MFSD11: variants seen among roughly 807,000 people sequenced by gnomAD.
MFSD11 encodes UNC93-like protein MFSD11.
In MFSD11, 36 loss-of-function variants were observed where a neutral mutation model predicts 53.5. The ratio of observed to expected loss-of-function variants is 0.67; its 90% confidence interval spans 0.52 to 0.89. MFSD11 has a LOEUF of 0.89. Ranked by LOEUF, MFSD11 falls within the 40% of genes least tolerant of loss-of-function variation. The probability of loss-of-function intolerance (pLI) is 0.00; values close to 1 mark genes in which losing one functional copy is unlikely to be tolerated. For synonymous variants in MFSD11, 186 were observed against 184.9 expected, an observed-to-expected ratio of 1.01 and a Z score of -0.05; for missense variants, 530 against 543.9, an observed-to-expected ratio of 0.97 and a Z score of 0.25.
chr17:76,758,616 A>G (rs2079889902), intron 8 of MFSD11, among the ~76,000 whole-genome samples: 2 of 152,026 alleles, frequency 1.3e-5, no homozygotes, highest in African/African-American at 4.8e-5. Flanking sequence ...ATTGAAGAAA[A>G]TAAATGTAAA....
intron 9 of MFSD11, among the ~76,000 whole-genome samples, chr17:76,768,716 G>A (rs1182637253): frequency 6.6e-6 from 1 of 152,132 alleles, no homozygotes; most frequent in Non-Finnish European, 1.5e-5. Flanking sequence ...TGGGCACAGT[G>A]GCTCATGTCT....
intron 2 of MFSD11, among the ~76,000 whole-genome samples, chr17:76,739,867 A>G (rs1044257920): frequency 2.0e-5 from 3 of 152,172 alleles, no homozygotes; most frequent in Admixed American, 6.5e-5. Flanking sequence ...CTTCATGTGT[A>G]TTCTAAAGAA....
At chr17:76,773,333 G>A (rs1177437486) in intron 10 of MFSD11, 1 of 152,260 alleles carries the variant, frequency 6.6e-6, no homozygotes, top group African/African-American at 2.4e-5. Context: ...ATTTTCCAGA[G>A]TGGCTGTACC....
chr17:76,784,715 A>G (rs1658105011), downstream of MFSD11, among the ~76,000 whole-genome samples: 1 of 152,106 alleles, frequency 6.6e-6, no homozygotes, highest in Non-Finnish European at 1.5e-5. Context: ...GCTGGCCAAC[A>G]TGGTATAACC....
the MFSD11 span, among the ~76,000 whole-genome samples, chr17:76,795,695 G>T: frequency 6.6e-6 from 1 of 152,146 alleles, no homozygotes; most frequent in South Asian, 2.1e-4. Flanking sequence ...TCAGAAAATG[G>T]TGGTGCTTTC....
chr17:76,777,478 G>T (rs1170065225), intron 12 of MFSD11, among the ~76,000 whole-genome samples: 2 of 152,142 alleles, frequency 1.3e-5, no homozygotes, highest in African/African-American at 4.8e-5. Flanking sequence ...CAAGTGATCC[G>T]CCCGCTTGGG....
intron 7 of MFSD11, among the ~76,000 whole-genome samples, chr17:76,752,027 A>G (rs1195855279): frequency 6.6e-6 from 1 of 152,226 alleles, no homozygotes; most frequent in African/African-American, 2.4e-5. Flanking sequence ...ATATGATTCT[A>G]GTATAATTAA....
chr17:76,745,905 GC>G (rs2078502745), intron 7 of MFSD11, among the ~76,000 whole-genome samples: 1 of 152,070 alleles, frequency 6.6e-6, no homozygotes, highest in Non-Finnish European at 1.5e-5. Context: ...TCGGCTCACT[GC>G]AGCCTCTGCC....
intron 8 of MFSD11, among the ~76,000 whole-genome samples, chr17:76,755,808 ATATATTTTTTTTTTTTTTT>A (rs2079547103): frequency 3.8e-4 from 10 of 26,326 alleles, no homozygotes; most frequent in Non-Finnish European, 1.4e-4. Flanking sequence ...ATATATATAT[ATATATTTTTTTTTTTTTTT>A]TTTTTTTTTT....
rs570201048 is a variant in MFSD11, at chr17:76,775,245, A to T, written c.1049+74A>T. The T allele has an allele frequency of 4.8e-5, 68 of 1,411,582 alleles. No individual in the cohort carries two copies. The South Asian group carries it at 5.1e-4, about 11-fold the overall frequency. 87.4% of individuals were successfully genotyped at this position (1,411,582 alleles called of 1,614,324 possible). A position where few individuals can be genotyped will look rare whatever the true frequency, so the allele number is the denominator to read the frequency against. The stretch of plus-strand genomic sequence containing the variant: ...ACGGATGGCTAGATACTGAAAGTGG[A>T]GCAGTTAATCCTCTTCAGAGAGCCT... On this transcript the variant is annotated intron_variant, in intron 11 of 12. Coordinates refer to ENST00000685175, the MANE Select transcript of MFSD11 (RefSeq NM_001242532.5).
In MFSD11 at chr17:76,744,502, T is replaced by C. The variant is rs746484687; in HGVS notation, c.641+36T>C. On this transcript the variant is annotated intron_variant, in intron 7 of 12. Coordinates refer to ENST00000685175, the MANE Select transcript of MFSD11 (RefSeq NM_001242532.5). Reference sequence around the variant, plus strand: ...GGAAACATTCTATTTTATTTTAAAATAGATTTTGAGTAGATCTAGTCTAGA... The same window carrying C: ...GGAAACATTCTATTTTATTTTAAAACAGATTTTGAGTAGATCTAGTCTAGA... The C allele has an allele frequency of 5.7e-6, 9 of 1,587,310 alleles. No homozygotes were observed. In the East Asian group the frequency reaches 2.0e-4, roughly 36 times the overall value.
chr17:76,784,500 T>C (rs180812721), downstream of MFSD11, among the ~76,000 whole-genome samples: 8 of 152,024 alleles, frequency 5.3e-5, no homozygotes, highest in African/African-American at 1.9e-4. Context: ...GCCACTGCAC[T>C]CCAGCCTGGC....
intron 12 of MFSD11, 47 bp from the exon 13 acceptor site, chr17:76,778,141 G>A (rs771330933): frequency 7.5e-6 from 12 of 1,608,172 alleles, no homozygotes; most frequent in Non-Finnish European, 1.0e-5. Flanking sequence ...CTGTGGCTCA[G>A]TGTGGCCCCC....
At chr17:76,755,812 A>ATTTTTT (rs552254902) in intron 8 of MFSD11, among the ~76,000 whole-genome samples, 1 of 19,518 alleles carries the variant, frequency 5.1e-5, no homozygotes, top group Non-Finnish European at 9.7e-5. Context: ...ATATATATAT[A>ATTTTTT]TTTTTTTTTT....
At chr17:76,766,433 AAAAG>A (rs1372381246) in intron 8 of MFSD11, among the ~76,000 whole-genome samples, 15 of 151,800 alleles carry the variant, frequency 9.9e-5, no homozygotes, top group South Asian at 2.1e-4. Flanking sequence ...AAAAAAAAAA[AAAAG>A]AAAGAAACCT....
chr17:76,791,743 G>T, the MFSD11 span, among the ~76,000 whole-genome samples: 3 of 149,026 alleles, frequency 2.0e-5, no homozygotes, highest in African/African-American at 7.5e-5. Flanking sequence ...CTTGGCTCTG[G>T]CAAACCCTTT....
intron 8 of MFSD11, among the ~76,000 whole-genome samples, chr17:76,755,574 C>A (rs1038400222): frequency 5.3e-5 from 8 of 151,776 alleles, no homozygotes; most frequent in African/African-American, 1.9e-4. Flanking sequence ...TCAGATGACA[C>A]AAAGCTTGTT....
chr17:76,790,176 G>A, the MFSD11 span, among the ~76,000 whole-genome samples: 1 of 146,046 alleles, frequency 6.8e-6, no homozygotes, highest in Non-Finnish European at 1.5e-5. Flanking sequence ...CTGCCTCCTG[G>A]GTTCAAGTGA....
chr17:76,784,422 A>G (rs545980711), downstream of MFSD11, among the ~76,000 whole-genome samples: 1 of 152,188 alleles, frequency 6.6e-6, no homozygotes, highest in East Asian at 1.9e-4. Flanking sequence ...AGTCCCAGCT[A>G]CTTGGGAGGC....
Sources: gnomAD v4.1 joint callset for allele counts (sites outside exome capture counted in the v4.1 genomes callset) on GRCh38, gnomAD v4.1.1 for gene constraint, MANE v1.5 for transcripts, NCBI Gene and HGNC (gene_info 2026-07-23, HGNC 2026-07-21) for gene names.